The following EPHB1 variants were observed in gnomAD, a reference collection of about 807,000 sequenced individuals.
EPHB1 encodes the protein ephrin type-B receptor 1.
Under a neutral mutation model 94.4 loss-of-function variants are expected in EPHB1, and 30 were observed. That is an observed-to-expected ratio of 0.32 (90% CI 0.24 to 0.43). The LOEUF (loss-of-function observed/expected upper bound fraction) is 0.43, where lower values mean the gene tolerates loss of function less well. EPHB1 is among the 20% of genes least tolerant of loss of function. The pLI is 1.00. For missense variants in EPHB1, 1,055 were observed against 1,308.3 expected (o/e 0.81, Z 2.99); for synonymous variants, 522 against 489.1 (o/e 1.07, Z -0.89).
intron 3 of EPHB1, among the ~76,000 whole-genome samples, chr3:135,090,312 A>T (rs1010582421): frequency 1.3e-5 from 2 of 152,200 alleles, no homozygotes. Context: ...TCTGCATCAG[A>T]GTTGGTGAGG....
intron 1 of EPHB1, among the ~76,000 whole-genome samples, chr3:134,917,535 G>A (rs985087208): frequency 1.1e-4 from 16 of 152,316 alleles, no homozygotes; most frequent in Middle Eastern, 3.4e-3. Context: ...TCTAAGCTGC[G>A]TCTTCTTTCT....
intron 3 of EPHB1, among the ~76,000 whole-genome samples, chr3:135,058,772 T>C (rs963225981): frequency 9.9e-5 from 15 of 152,194 alleles, no homozygotes; most frequent in African/African-American, 3.4e-4. Context: ...TACATGGGGA[T>C]TCTGCAGAAA....
At chr3:135,048,845 A>G (rs1012602635) in intron 3 of EPHB1, among the ~76,000 whole-genome samples, 5 of 152,146 alleles carry the variant, frequency 3.3e-5, no homozygotes, top group Admixed American at 6.5e-5. Flanking sequence ...TGTTAGAACA[A>G]CTCAAATGCC....
At chr3:135,012,748 G>A (rs1935665113) in intron 3 of EPHB1, among the ~76,000 whole-genome samples, 1 of 152,172 alleles carries the variant, frequency 6.6e-6, no homozygotes, top group South Asian at 2.1e-4. Context: ...GGTCAAGCCT[G>A]TGAGGATCCC....
At chr3:134,918,597 C>T (rs1434508548) in intron 1 of EPHB1, among the ~76,000 whole-genome samples, 2 of 152,186 alleles carry the variant, frequency 1.3e-5, no homozygotes, top group East Asian at 3.9e-4. Context: ...TAGGTAGTTG[C>T]TGTTTCACTC....
chr3:134,849,174 C>T (rs1235344763), intron 1 of EPHB1, among the ~76,000 whole-genome samples: 1 of 152,238 alleles, frequency 6.6e-6, no homozygotes. Context: ...TCTCAGACTT[C>T]AGCATCAGAA....
intron 14 of EPHB1, 143 bp from the exon 15 acceptor site, chr3:135,249,193 A>G: frequency 3.2e-6 from 3 of 947,808 alleles, no homozygotes; most frequent in East Asian, 5.4e-5. Context: ...TCCATGAAGA[A>G]GAAAGGTTCA....
At chr3:135,146,203 G>C (rs536295464) in intron 5 of EPHB1, among the ~76,000 whole-genome samples, 1 of 152,314 alleles carries the variant, frequency 6.6e-6, no homozygotes, top group South Asian at 2.1e-4. Flanking sequence ...GGCTCCCCCT[G>C]TGCCTTCAAA....
intron 1 of EPHB1, among the ~76,000 whole-genome samples, chr3:134,871,067 G>A (rs1040913510): frequency 3.3e-5 from 5 of 152,176 alleles, no homozygotes; most frequent in African/African-American, 2.4e-5. Context: ...CACTGAGAAA[G>A]GTCTCTGCTT....
chr3:134,985,738 A>G (rs957573021), intron 3 of EPHB1, among the ~76,000 whole-genome samples: 20 of 152,192 alleles, frequency 1.3e-4, no homozygotes, highest in Non-Finnish European at 2.2e-4. Context: ...TTAGCTACTC[A>G]AGTTACTCCT....
At chr3:135,245,793 G>A (rs1008728007) in intron 13 of EPHB1, among the ~76,000 whole-genome samples, 10 of 119,256 alleles carry the variant, frequency 8.4e-5, no homozygotes, top group South Asian at 5.6e-4. Context: ...GCAAGAGAGC[G>A]AGACACCATC....
intron 4 of EPHB1, among the ~76,000 whole-genome samples, chr3:135,131,611 G>A (rs1940420886): frequency 6.6e-6 from 1 of 152,114 alleles, no homozygotes; most frequent in Admixed American, 6.6e-5. Context: ...TCTGGTTTTG[G>A]GCAGCAGATT....
At chr3:135,233,539 C>T (rs147349629) in intron 12 of EPHB1, among the ~76,000 whole-genome samples, 1,968 of 152,304 alleles carry the variant, frequency 0.013, 32 homozygotes, top group East Asian at 0.058. Flanking sequence ...TCCAGGTGTA[C>T]AGTGCAAGCT....
chr3:135,186,741 C>A lies in EPHB1; in HGVS notation c.1883-5835C>A, dbSNP rs116430605. ...CATACAATAGTTGAGGCATTTAATG[C>A]TGCTGAAGCACTTTTTCTCTCTTCC... On this transcript the variant is annotated intron_variant, in intron 10 of 15. Transcript: ENST00000398015. Among the ~76,000 whole-genome samples, 589 of 152,296 alleles carry A rather than the reference C, an allele frequency of 3.9e-3. 7 individuals are homozygous for A. Among genetic ancestry groups the A allele is most frequent in the African/African-American group, 0.013 (559 of 41,552 alleles).
intron 8 of EPHB1, 140 bp from the exon 9 acceptor site, chr3:135,166,802 T>A (rs1576440176): frequency 1.3e-6 from 1 of 777,480 alleles, no homozygotes; most frequent in East Asian, 2.6e-5. Context: ...GCAGGAGGGC[T>A]GAAGTGAGAG....
intron 9 of EPHB1, among the ~76,000 whole-genome samples, chr3:135,174,362 C>T (rs576345839): frequency 6.6e-6 from 1 of 152,294 alleles, no homozygotes; most frequent in Admixed American, 6.5e-5. Flanking sequence ...AGCTGTGGCT[C>T]ACGACACTCC....
Position 134,951,182 on chromosome 3 carries a change from G to C in EPHB1, c.124-189G>C, listed in dbSNP as rs1933013486. Among the ~76,000 whole-genome samples the C allele has an allele frequency of 6.6e-6, 1 of 152,170 alleles. No homozygotes were observed. The highest frequency in any genetic ancestry group is 6.5e-5 in the Admixed American group (1 of 15,272). Reference sequence around the variant, plus strand: ...TTTGGGATGGGCTGCAAAAAAATCTGAAGTTTTCTTATAAGATCTTTAAAA... The same window carrying C: ...TTTGGGATGGGCTGCAAAAAAATCTCAAGTTTTCTTATAAGATCTTTAAAA... On this transcript the variant is annotated intron_variant, in intron 2 of 15. Transcript: ENST00000398015. The surrounding 1 kb of genome is among the most constrained non-coding windows in gnomAD (Gnocchi z 4.5).
At chr3:135,155,611 C>T (rs1437360595) in intron 6 of EPHB1, among the ~76,000 whole-genome samples, 1 of 151,638 alleles carries the variant, frequency 6.6e-6, no homozygotes, top group African/African-American at 2.4e-5. Flanking sequence ...CAAGACTAGC[C>T]TGACCAACAT....
rs1183543207 is a variant in EPHB1 at position 134,862,984 on chromosome 3, T to C, written c.59-62832T>C. Among the ~76,000 whole-genome samples, 6 of 152,332 alleles carry C rather than the reference T, an allele frequency of 3.9e-5. No individual in the cohort carries two copies. In the East Asian group the frequency reaches 1.2e-3, roughly 29 times the overall value. ...CGGCTTTTCTGAAAACCACTCTGTG[T>C]GTGTGGCTTTGCTACAGGGCTTCCT... On this transcript the variant is annotated intron_variant, in intron 1 of 15. Coordinates refer to ENST00000398015, the MANE Select transcript of EPHB1 (RefSeq NM_004441.5).
Sources: allele counts gnomAD v4.1 joint callset (sites outside exome capture counted in the v4.1 genomes callset), GRCh38; gene constraint gnomAD v4.1.1; non-coding constraint Gnocchi (gnomAD v3.1); transcripts MANE v1.5; gene names NCBI Gene and HGNC (gene_info 2026-07-23, HGNC 2026-07-21).